The following KHDRBS3 variants were observed in gnomAD, a reference collection of about 807,000 sequenced individuals.
KHDRBS3 encodes KH RNA binding domain containing, signal transduction associated 3, also known as KH domain-containing, RNA-binding, signal transduction-associated protein 3.
A neutral mutation model predicts 45.6 loss-of-function variants in KHDRBS3; 23 were observed. The ratio of observed to expected loss-of-function variants is 0.50; its 90% CI spans 0.36 to 0.72. The LOEUF is 0.72. KHDRBS3 is among the 30% of genes least tolerant of loss of function. KHDRBS3 has a pLI of 0.00. For synonymous variants in KHDRBS3, 162 were observed against 156.5 expected (o/e 1.04, Z -0.26); for missense variants, 352 against 424.8 (o/e 0.83, Z 1.51).
intron 1 of KHDRBS3, among the ~76,000 whole-genome samples, chr8:135,486,261 A>C (rs1822857940): frequency 6.6e-6 from 1 of 152,196 alleles, no homozygotes; most frequent in South Asian, 2.1e-4. Context: ...CTATGAAGGA[A>C]GGGTTTTTGT....
chr8:135,651,693 T>A (rs1477752589), downstream of KHDRBS3, among the ~76,000 whole-genome samples: 1 of 152,226 alleles, frequency 6.6e-6, no homozygotes, highest in Non-Finnish European at 1.5e-5. Context: ...TTCCACTGGT[T>A]AGTGATTTTA....
At chr8:135,630,973 G>T (rs112139438) in intron 7 of KHDRBS3, among the ~76,000 whole-genome samples, 131 of 152,184 alleles carry the variant, frequency 8.6e-4, no homozygotes, top group Non-Finnish European at 3.4e-4. Context: ...TTTCGGCCGG[G>T]CGCGGTGGCT....
intron 5 of KHDRBS3, among the ~76,000 whole-genome samples, chr8:135,577,903 A>G (rs556290269): frequency 6.6e-6 from 1 of 152,294 alleles, no homozygotes; most frequent in South Asian, 2.1e-4. Flanking sequence ...AACAATTGGT[A>G]TATTCAGTTA....
chr8:135,608,034 G>T (rs1235427546), intron 7 of KHDRBS3, among the ~76,000 whole-genome samples: 1 of 152,172 alleles, frequency 6.6e-6, no homozygotes, highest in Non-Finnish European at 1.5e-5. Context: ...CCTTTGGTGT[G>T]TTGAGGGTAG....
chr8:135,565,996 C>T (rs1827394905), intron 5 of KHDRBS3, among the ~76,000 whole-genome samples: 2 of 152,088 alleles, frequency 1.3e-5, no homozygotes, highest in Non-Finnish European at 2.9e-5. Context: ...GTTGTTACAC[C>T]AGAAGTAGAA....
rs1825798362 is a variant in KHDRBS3 at position 135,536,978 on chromosome 8, A to G, written c.208-5676A>G. Among the ~76,000 whole-genome samples the G allele has an allele frequency of 2.4e-4, 12 of 50,366 alleles. 1 individual carries two copies. The South Asian group carries it at 9.7e-3, about 41-fold the overall frequency. 33.0% of individuals were successfully genotyped at this position (50,366 alleles called of 152,430 possible). ...CGAAACTCCATCTCAAAAAAAAAAA[A>G]AAAAAAAAAAAAAAAAAAAGGAGAT... is the stretch of plus-strand genomic sequence containing the variant. On this transcript the variant is annotated intron_variant, in intron 2 of 8. Transcript: ENST00000355849.
chr8:135,504,163 T>C (rs951684687), intron 1 of KHDRBS3, among the ~76,000 whole-genome samples: 2 of 152,196 alleles, frequency 1.3e-5, no homozygotes, highest in Non-Finnish European at 2.9e-5. Flanking sequence ...TTTTTATTAC[T>C]TCATGTCTCA....
intron 7 of KHDRBS3, among the ~76,000 whole-genome samples, chr8:135,620,349 G>T (rs1456308095): frequency 2.0e-5 from 3 of 151,960 alleles, no homozygotes; most frequent in Non-Finnish European, 4.4e-5. Flanking sequence ...CGATCTGTCC[G>T]CCTCAGCCTC....
At chr8:135,458,054 C>T in intron 1 of KHDRBS3, 100 bp downstream of exon 1, 1 of 1,417,898 alleles carries the variant, frequency 7.1e-7, no homozygotes, top group Non-Finnish European at 9.2e-7. Context: ...TGTCAGCGGA[C>T]GCGGCGGAGA....
chr8:135,516,001 A>G (rs1824577165), intron 1 of KHDRBS3, among the ~76,000 whole-genome samples: 1 of 152,224 alleles, frequency 6.6e-6, no homozygotes, highest in Non-Finnish European at 1.5e-5. Flanking sequence ...GCACTTAAAC[A>G]TACCTGGATG....
intron 6 of KHDRBS3, among the ~76,000 whole-genome samples, chr8:135,593,882 C>T (rs1316067153): frequency 1.3e-5 from 2 of 152,140 alleles, no homozygotes; most frequent in Non-Finnish European, 2.9e-5. Flanking sequence ...GAAAGTACAA[C>T]TGCTTGATGG....
intron 1 of KHDRBS3, among the ~76,000 whole-genome samples, chr8:135,493,837 C>T (rs565053526): frequency 6.6e-6 from 1 of 152,090 alleles, no homozygotes; most frequent in Non-Finnish European, 1.5e-5. Flanking sequence ...AGTTTGTGTA[C>T]AATTGTTATC....
intron 7 of KHDRBS3, among the ~76,000 whole-genome samples, chr8:135,626,495 G>GT (rs1213131684): frequency 1.3e-5 from 2 of 152,208 alleles, no homozygotes; most frequent in African/African-American, 4.8e-5. Context: ...ACTTGGGTGT[G>GT]TTGGAGGAGT....
chr8:135,506,464 C>T lies in KHDRBS3; in HGVS notation c.89-14773C>T, dbSNP rs564085029. On this transcript the variant is annotated intron_variant, in intron 1 of 8. Transcript: ENST00000355849. ...TGTTGCCCAGGCTGGAGTGTAGTGG[C>T]GCTGTCTCGGCTCACTGCAAACCCT... is the stretch of plus-strand genomic sequence containing the variant. 1.1e-4 allele frequency among the ~76,000 whole-genome samples: 16 copies of T among 148,534 alleles called. No individual in the cohort carries two copies. In the East Asian group the frequency reaches 2.0e-3, roughly 18 times the overall value.
At chr8:135,530,230 A>G (rs1016421381) in intron 2 of KHDRBS3, among the ~76,000 whole-genome samples, 5 of 152,178 alleles carry the variant, frequency 3.3e-5, no homozygotes, top group African/African-American at 1.2e-4. Flanking sequence ...CTGGGCTTAT[A>G]TATCTTGGAT....
At chr8:135,611,039 T>C (rs1395908076) in intron 7 of KHDRBS3, among the ~76,000 whole-genome samples, 1 of 151,978 alleles carries the variant, frequency 6.6e-6, no homozygotes, top group Non-Finnish European at 1.5e-5. Context: ...GATACTGTTA[T>C]GTTATAAATT....
rs1299081301 is a variant in KHDRBS3, at chr8:135,548,882, C to T, written c.453C>T (p.Ile151=). ...YARMGHALEE[I]KKFLIPDYND... ...GGATGGGACATGCTTTGGAAGAAAT[C>T]AAAAAGTTCCTCATCCCTGTTAGTA... Residue 151 remains isoleucine, a synonymous_variant, in exon 4 of 9, where the codon ATC becomes ATT. Transcript: ENST00000355849. The T allele has an allele frequency of 6.3e-7, 1 of 1,585,646 alleles. No homozygotes were observed. The highest frequency in any genetic ancestry group is 2.3e-5 in the East Asian group (1 of 44,024).
At position 135,548,806 on chromosome 8, in the gene KHDRBS3, A is replaced by T. The variant is rs747472072; in HGVS notation, c.377A>T (p.Asp126Val). Residue 126 changes from aspartate (D) to valine (V), a missense_variant, in exon 4 of 9, where the codon GAT becomes GTT. Physicochemically the swap from Asp to Val is radical, Grantham distance 152. This residue lies in a region of KHDRBS3 where 46 missense variants were observed against 45.9 expected (regional missense o/e 1.00). Coordinates refer to ENST00000355849, the MANE Select transcript of KHDRBS3 (RefSeq NM_006558.3). ...GCGAAGTACTTCCATCTCAATGATG[A>T]TCTCCATGTTCTCATTGAAGTGTTT... ...GEAKYFHLND[D>V]LHVLIEVFAP... 3.1e-6 allele frequency: 5 copies of T among 1,594,750 alleles called. No homozygotes were observed. Among genetic ancestry groups the T allele is most frequent in the Non-Finnish European group, 4.3e-6 (5 of 1,170,306 alleles).
At chr8:135,560,314 G>T (rs928917665) in intron 5 of KHDRBS3, among the ~76,000 whole-genome samples, 4 of 151,994 alleles carry the variant, frequency 2.6e-5, no homozygotes, top group Non-Finnish European at 5.9e-5. Flanking sequence ...ACAGAAAAGT[G>T]CATGTTACAA....
Sources: allele counts gnomAD v4.1 joint callset (sites outside exome capture counted in the v4.1 genomes callset), GRCh38; gene constraint gnomAD v4.1.1; regional missense constraint gnomAD v4.1.1; transcripts MANE v1.5; gene names NCBI Gene and HGNC (gene_info 2026-07-23, HGNC 2026-07-21).